Variants in FAM13A observed in about 807,000 individuals in gnomAD.
The protein encoded by FAM13A is protein FAM13A.
In FAM13A, 76 loss-of-function variants were observed where a neutral mutation model predicts 129.6. That is an observed-to-expected ratio of 0.59 (90% CI 0.49 to 0.71). FAM13A has a LOEUF of 0.71. Ranked by LOEUF, FAM13A falls within the 30% of genes least tolerant of loss-of-function variation. The pLI, the probability that FAM13A is intolerant of heterozygous loss-of-function variation, is 0.00. For missense variants in FAM13A, 1,108 were observed against 1,249.3 expected (o/e 0.89, Z 1.70); for synonymous variants, 443 against 449.9 (o/e 0.98, Z 0.20).
At chr4:88,811,413 T>C (rs928179715) in intron 7 of FAM13A, among the ~76,000 whole-genome samples, 5 of 152,198 alleles carry the variant, frequency 3.3e-5, no homozygotes, top group African/African-American at 1.2e-4. Flanking sequence ...TCACCTATTC[T>C]GTCTTCTAGA....
intron 4 of FAM13A, among the ~76,000 whole-genome samples, chr4:88,960,010 C>T (rs965462836): frequency 1.1e-4 from 17 of 152,272 alleles, no homozygotes; most frequent in East Asian, 3.9e-4. Context: ...GCACTTAAAT[C>T]GCTTTGAGAA....
chr4:89,042,302 T>C (rs559777683), intron 1 of FAM13A, among the ~76,000 whole-genome samples: 2 of 152,268 alleles, frequency 1.3e-5, no homozygotes, highest in Admixed American at 6.5e-5. Flanking sequence ...GATGACATAA[T>C]AGAGGCACAT....
At chr4:88,782,012 A>T (rs563843985) in intron 10 of FAM13A, among the ~76,000 whole-genome samples, 32 of 151,916 alleles carry the variant, frequency 2.1e-4, no homozygotes, top group East Asian at 1.7e-3. Context: ...AAAAAAAATT[A>T]AAAAATTAAA....
chr4:88,840,122 G>A (rs759496608), intron 7 of FAM13A, among the ~76,000 whole-genome samples: 19 of 152,212 alleles, frequency 1.2e-4, no homozygotes, highest in Admixed American at 2.0e-4. Flanking sequence ...GGAAAACCAG[G>A]AGACTGTAAT....
intron 1 of FAM13A, among the ~76,000 whole-genome samples, chr4:89,042,281 A>T (rs1295443426): frequency 6.6e-6 from 1 of 152,048 alleles, no homozygotes; most frequent in East Asian, 1.9e-4. Flanking sequence ...GAAAAAAAGG[A>T]CTTGTAGCCT....
intron 19 of FAM13A, among the ~76,000 whole-genome samples, chr4:88,740,027 T>C (rs1340010233): frequency 6.6e-6 from 1 of 152,140 alleles, no homozygotes; most frequent in Non-Finnish European, 1.5e-5. Context: ...CCTGGTATAG[T>C]ATTGGAAGCT....
intron 6 of FAM13A, among the ~76,000 whole-genome samples, chr4:88,871,246 G>T (rs1741332788): frequency 6.6e-6 from 1 of 152,216 alleles, no homozygotes; most frequent in Non-Finnish European, 1.5e-5. Context: ...TTCTCCAAAA[G>T]ATCACAGCTC....
intron 8 of FAM13A, among the ~76,000 whole-genome samples, chr4:88,799,705 G>A (rs1340054674): frequency 1.3e-5 from 2 of 152,084 alleles, no homozygotes; most frequent in Admixed American, 6.6e-5. Flanking sequence ...CGATGGTCTC[G>A]ATCTCCTGAC....
intron 3 of FAM13A, among the ~76,000 whole-genome samples, chr4:88,994,451 C>T (rs1320869426): frequency 6.6e-6 from 1 of 152,148 alleles, no homozygotes; most frequent in African/African-American, 2.4e-5. Context: ...TCAGAGGAGG[C>T]TTGTAGAAGA....
intron 7 of FAM13A, among the ~76,000 whole-genome samples, chr4:88,813,428 GAA>G (rs1730060472): frequency 6.6e-6 from 1 of 152,070 alleles, no homozygotes; most frequent in South Asian, 2.1e-4. Flanking sequence ...TAGTTGATGA[GAA>G]AATATTTTTA....
intron 19 of FAM13A, among the ~76,000 whole-genome samples, chr4:88,741,140 T>C (rs1416726145): frequency 6.6e-6 from 1 of 152,212 alleles, no homozygotes; most frequent in Non-Finnish European, 1.5e-5. Flanking sequence ...ATCCATCAAT[T>C]CCACTCTTAA....
intron 4 of FAM13A, among the ~76,000 whole-genome samples, chr4:88,955,514 T>C (rs1364608658): frequency 6.6e-6 from 1 of 152,170 alleles, no homozygotes; most frequent in Non-Finnish European, 1.5e-5. Context: ...GCTGTAAAGA[T>C]ACCCAAAAAA....
At chr4:88,998,916 T>A (rs1018411109) in intron 3 of FAM13A, among the ~76,000 whole-genome samples, 3 of 152,160 alleles carry the variant, frequency 2.0e-5, no homozygotes, top group Admixed American at 6.5e-5. Context: ...CATGATATGG[T>A]TCTCAGAGGC....
At chr4:88,855,153 T>G (rs1462136147) in intron 6 of FAM13A, among the ~76,000 whole-genome samples, 1 of 152,218 alleles carries the variant, frequency 6.6e-6, no homozygotes, top group East Asian at 1.9e-4. Context: ...TGTTAAATGT[T>G]GGAATTGCAA....
chr4:88,946,401 C>CTT (rs3067813), intron 4 of FAM13A, among the ~76,000 whole-genome samples: 992 of 91,636 alleles, frequency 0.011, 14 homozygotes, highest in Non-Finnish European at 0.012. Flanking sequence ...CTCCCGCGTT[C>CTT]TTTTTTTTTT....
intron 5 of FAM13A, among the ~76,000 whole-genome samples, chr4:88,908,870 C>A (rs961365409): frequency 2.0e-5 from 3 of 152,086 alleles, no homozygotes; most frequent in African/African-American, 7.2e-5. Flanking sequence ...CAGCAAGCAG[C>A]GAGCAAGGGG....
chr4:88,991,919 G>A (rs1031406988), intron 3 of FAM13A, among the ~76,000 whole-genome samples: 6 of 151,990 alleles, frequency 3.9e-5, no homozygotes, highest in Admixed American at 3.9e-4. Context: ...CTTCCTATCT[G>A]ATAACCCTCC....
intron 6 of FAM13A, among the ~76,000 whole-genome samples, chr4:88,890,367 A>T (rs563702079): frequency 5.9e-5 from 9 of 152,348 alleles, no homozygotes; most frequent in African/African-American, 2.2e-4. Context: ...CAGGGAGAAC[A>T]AGCTGGATAT....
intron 2 of FAM13A, among the ~76,000 whole-genome samples, chr4:89,021,904 G>C (rs1202314154): frequency 6.6e-6 from 1 of 152,160 alleles, no homozygotes; most frequent in South Asian, 2.1e-4. Context: ...ATAAGATTAG[G>C]GGGTAGGGAT....
Sources: allele counts gnomAD v4.1 joint callset (sites outside exome capture counted in the v4.1 genomes callset), GRCh38; gene constraint gnomAD v4.1.1; transcripts MANE v1.5; gene names NCBI Gene and HGNC (gene_info 2026-07-23, HGNC 2026-07-21).